CTXND1: variants seen among roughly 807,000 people sequenced by gnomAD.
The protein encoded by CTXND1 is cortexin domain containing 1.
chr15:80,220,422 C>G (rs1459398914), intron 1 of CTXND1, among the ~76,000 whole-genome samples: 1 of 152,162 alleles, frequency 6.6e-6, no homozygotes, highest in East Asian at 1.9e-4. Context: ...TTGTCTATCT[C>G]TGCCAATACC....
At chr15:80,211,709 G>C (rs1595904556) in intron 1 of CTXND1, among the ~76,000 whole-genome samples, 1 of 152,214 alleles carries the variant, frequency 6.6e-6, no homozygotes, top group African/African-American at 2.4e-5. Flanking sequence ...GAGGCAGTAT[G>C]AGCTAACACC....
chr15:80,202,816 G>A (rs1567127275), intron 2 of CTXND1, among the ~76,000 whole-genome samples: 1 of 152,226 alleles, frequency 6.6e-6, no homozygotes, highest in African/African-American at 2.4e-5. Flanking sequence ...AAAACTGTAA[G>A]TGTTATGGGA....
rs1250456547 is a variant in CTXND1, at chr15:80,200,762, C to A, written c.*1008G>T. On this transcript the variant is annotated 3_prime_UTR_variant, in exon 3 of 3. Transcript: ENST00000560778. ...GTAAATGCGAGACTAGAACCCAGGT[C>A]TCCCCATTCAATATTCATCTCATGG... 6.6e-6 allele frequency: 1 copy of A among 152,164 alleles called. No homozygotes were observed. Among genetic ancestry groups the A allele is most frequent in the Non-Finnish European group, 1.5e-5 (1 of 68,038 alleles). 9.4% of individuals were successfully genotyped at this position (152,164 alleles called of 1,614,324 possible).
At chr15:80,246,624 A>G (rs1347273877) in intron 1 of CTXND1, among the ~76,000 whole-genome samples, 4 of 112,294 alleles carry the variant, frequency 3.6e-5, no homozygotes. Context: ...GCCCAGGCAG[A>G]ATGAACTGTG....
chr15:80,219,317 A>C lies in CTXND1; in HGVS notation c.-217-15577T>G, dbSNP rs143233007. The stretch of plus-strand genomic sequence containing the variant: ...ATCTTGCTACTTGCTTTTTCATTCA[A>C]CTCGATGACTTTGAGACTTTTCCTC... On this transcript the variant is annotated intron_variant, in intron 1 of 2. Coordinates refer to ENST00000560778, the MANE Select transcript of CTXND1 (RefSeq NM_001352888.2). 4.4e-4 allele frequency among the ~76,000 whole-genome samples: 67 copies of C among 151,780 alleles called. No homozygotes were observed. In the East Asian group the frequency reaches 0.013, roughly 29 times the overall value.
At chr15:80,231,350 T>C (rs1215600107) in intron 1 of CTXND1, among the ~76,000 whole-genome samples, 1 of 151,640 alleles carries the variant, frequency 6.6e-6, no homozygotes, top group African/African-American at 2.4e-5. Context: ...TCTCTCTCTC[T>C]TTTACCATCA....
chr15:80,221,160 C>T (rs959006227), intron 1 of CTXND1, among the ~76,000 whole-genome samples: 14 of 151,938 alleles, frequency 9.2e-5, no homozygotes, highest in Non-Finnish European at 1.9e-4. Flanking sequence ...CCGCCCGCCT[C>T]GGCCTCCCAA....
chr15:80,226,201 G>C (rs1893370348), intron 1 of CTXND1, among the ~76,000 whole-genome samples: 1 of 151,914 alleles, frequency 6.6e-6, no homozygotes, highest in South Asian at 2.1e-4. Flanking sequence ...GAATGAGGTG[G>C]GTCCCTGAGC....
At chr15:80,230,439 G>A (rs1314498642) in intron 1 of CTXND1, among the ~76,000 whole-genome samples, 2 of 152,024 alleles carry the variant, frequency 1.3e-5, no homozygotes, top group Non-Finnish European at 2.9e-5. Flanking sequence ...CCTGATATTG[G>A]TAATATTCTT....
rs536850057 is a variant in CTXND1, at chr15:80,206,086, G to A, written c.-217-2346C>T. ...CCACCTAGATTCTATAGTTGTTAAC[G>A]TTTTGCTGCATTTTAAAAATTTCAT... On this transcript the variant is annotated intron_variant, in intron 1 of 2. Transcript: ENST00000560778. 2.0e-4 allele frequency among the ~76,000 whole-genome samples: 31 copies of A among 152,122 alleles called. 1 individual carries two copies. Among genetic ancestry groups the A allele is most frequent in the African/African-American group, 2.7e-4 (11 of 41,474 alleles).
chr15:80,229,320 G>C (rs1161339288), intron 1 of CTXND1, among the ~76,000 whole-genome samples: 2 of 152,190 alleles, frequency 1.3e-5, no homozygotes, highest in African/African-American at 4.8e-5. Flanking sequence ...GTCATACCAA[G>C]GTAAATACAG....
intron 1 of CTXND1, among the ~76,000 whole-genome samples, chr15:80,248,126 C>T (rs1371290308): frequency 2.6e-5 from 4 of 152,346 alleles, no homozygotes; most frequent in Middle Eastern, 3.4e-3. Flanking sequence ...CGTGCATGGG[C>T]CTCATTGCTG....
chr15:80,243,134 C>T (rs1893589618), intron 1 of CTXND1, among the ~76,000 whole-genome samples: 2 of 152,176 alleles, frequency 1.3e-5, no homozygotes, highest in South Asian at 4.1e-4. Flanking sequence ...TGACCTGCCA[C>T]CCAGAACAGA....
At chr15:80,202,332 T>C (rs1893085738) in intron 2 of CTXND1, among the ~76,000 whole-genome samples, 1 of 152,128 alleles carries the variant, frequency 6.6e-6, no homozygotes, top group African/African-American at 2.4e-5. Flanking sequence ...ATAGAGGCCC[T>C]GCAGCTGCCT....
At chr15:80,237,354 A>G (rs906873964) in intron 1 of CTXND1, among the ~76,000 whole-genome samples, 48 of 151,554 alleles carry the variant, frequency 3.2e-4, no homozygotes, top group South Asian at 4.2e-4. Flanking sequence ...AAAAAAAAAA[A>G]AAAGAAAGAA....
At chr15:80,243,246 C>T (rs1567135772) in intron 1 of CTXND1, among the ~76,000 whole-genome samples, 1 of 152,182 alleles carries the variant, frequency 6.6e-6, no homozygotes, top group Non-Finnish European at 1.5e-5. Flanking sequence ...GGCTGGTGAA[C>T]ACAAAGTTAC....
chr15:80,246,828 G>C (rs1306480272), intron 1 of CTXND1, among the ~76,000 whole-genome samples: 1 of 152,172 alleles, frequency 6.6e-6, no homozygotes, highest in Non-Finnish European at 1.5e-5. Context: ...TTGGGTCCCT[G>C]AATCTGCATT....
At chr15:80,240,007 C>T (rs1216585179) in intron 1 of CTXND1, among the ~76,000 whole-genome samples, 3 of 152,056 alleles carry the variant, frequency 2.0e-5, no homozygotes, top group Non-Finnish European at 4.4e-5. Context: ...CTCTTGTTGC[C>T]CAGGCTGGAG....
intron 1 of CTXND1, among the ~76,000 whole-genome samples, chr15:80,219,857 C>T (rs531367469): frequency 2.6e-5 from 4 of 152,228 alleles, no homozygotes; most frequent in East Asian, 1.9e-4. Context: ...TTCTCTTTCT[C>T]GTTTGTCTTT....
Sources: allele counts gnomAD v4.1 joint callset (sites outside exome capture counted in the v4.1 genomes callset), GRCh38; gene constraint gnomAD v4.1.1; transcripts MANE v1.5; gene names NCBI Gene and HGNC (gene_info 2026-07-23, HGNC 2026-07-21).